Variants in IRF6 observed in about 807,000 individuals in gnomAD.
IRF6 encodes interferon regulatory factor 6, also known as Van der Woude syndrome.
In IRF6, 6 loss-of-function variants were observed where a neutral mutation model predicts 51.4. The ratio of observed to expected loss-of-function variants is 0.12; its 90% confidence interval spans 0.06 to 0.23. The LOEUF is 0.23. Among genes scored for constraint, IRF6 ranks in the 10% least tolerant of loss-of-function variants. The pLI is 1.00. For synonymous variants in IRF6, 178 were observed against 215.7 expected, an observed-to-expected ratio of 0.83 and a Z score of 1.53; for missense variants, 348 against 585.2, an observed-to-expected ratio of 0.59 and a Z score of 4.18.
intron 6 of IRF6, among the ~76,000 whole-genome samples, chr1:209,791,709 A>C (rs2077870034): frequency 1.3e-5 from 2 of 152,176 alleles, no homozygotes; most frequent in Non-Finnish European, 2.9e-5. Context: ...CTACCCACCT[A>C]AGACCTGAAT....
At chr1:209,788,750 C>T in intron 8 of IRF6, 106 bp from the exon 9 acceptor site, 1 of 826,238 alleles carries the variant, frequency 1.2e-6, no homozygotes, top group Non-Finnish European at 2.0e-6. Flanking sequence ...CTGAGGAAGA[C>T]CCCATTCTGA....
At position 209,792,257 on chromosome 1, in the gene IRF6, A is replaced by C; in HGVS notation, c.667+12T>G. ...GCAGAAGACCGAGCAAGAAAGATAA[A>C]GTCTCACTTACTTGGGAGAGAGCTG... On this transcript the variant is annotated intron_variant, in intron 6 of 8. Transcript: ENST00000367021. The C allele has an allele frequency of 1.9e-6, 3 of 1,612,454 alleles. No homozygotes were observed. In the East Asian group the frequency reaches 6.7e-5, roughly 36 times the overall value.
chr1:209,789,387 G>C (rs971051666), intron 8 of IRF6, among the ~76,000 whole-genome samples: 2 of 151,350 alleles, frequency 1.3e-5, no homozygotes, highest in Non-Finnish European at 2.9e-5. Flanking sequence ...ATTTGTGTGT[G>C]AAGAAAACCT....
chr1:209,805,000 TAG>T (rs2077965201), intron 1 of IRF6, among the ~76,000 whole-genome samples: 2 of 152,144 alleles, frequency 1.3e-5, no homozygotes, highest in Admixed American at 1.3e-4. Context: ...TGCAGGCCTC[TAG>T]TCAAAATGCC....
rs974325123 is a variant in IRF6 at position 209,801,235 on chromosome 1, T to C, written c.174+5A>G. ...AAAGGTCTGATGGTAGAAGAAGTCC[T>C]TTACCTTAAAAATGGTATTTTCCTC... On this transcript the variant is annotated splice_donor_5th_base_variant and intron_variant, in intron 3 of 8. Coordinates refer to ENST00000367021, the MANE Select transcript of IRF6 (RefSeq NM_006147.4). 13 of 1,604,462 alleles carry C rather than the reference T, an allele frequency of 8.1e-6. No homozygotes were observed. The highest frequency in any genetic ancestry group is 1.1e-5 in the Non-Finnish European group (13 of 1,172,346).
chr1:209,787,427 A>G lies in IRF6; in HGVS notation c.*993T>C, dbSNP rs2077841503. 6.6e-6 allele frequency: 1 copy of G among 152,354 alleles called. No individual in the cohort carries two copies. Among genetic ancestry groups the G allele is most frequent in the South Asian group, 2.1e-4 (1 of 4,830 alleles). The allele number at this position is 152,354 out of a possible 1,614,324, so 9.4% of individuals were successfully genotyped here. A position where few individuals can be genotyped will look rare whatever the true frequency, so the allele number is the denominator to read the frequency against. ...CCCAGCCCTTCTTCATCCCAGCCTTAACACACTCAACAACCCATTTCTTCC... is the reference window on the plus strand; with the variant it reads ...CCCAGCCCTTCTTCATCCCAGCCTTGACACACTCAACAACCCATTTCTTCC... On this transcript the variant is annotated 3_prime_UTR_variant, in exon 9 of 9. Transcript: ENST00000367021.
intron 5 of IRF6, 55 bp downstream of exon 5, chr1:209,795,235 T>G (rs1264897721): frequency 6.2e-7 from 1 of 1,603,382 alleles, no homozygotes; most frequent in Non-Finnish European, 8.5e-7. Context: ...AGTCCCAAGG[T>G]CAAAACTCCT....
chr1:209,803,229 G>A (rs1008630666), intron 1 of IRF6, among the ~76,000 whole-genome samples: 1 of 152,142 alleles, frequency 6.6e-6, no homozygotes, highest in Admixed American at 6.5e-5. Flanking sequence ...TACTGAAAGG[G>A]GGATGGAGCA....
At position 209,790,839 on chromosome 1, in the gene IRF6, T is replaced by C. The variant is rs1019238353; in HGVS notation, c.716A>G (p.Gln239Arg). ...CTGAGGGTTGCTCACGGTCATGGTC[T>C]GCCCGTACTCCTTCCCACGGTACTG... ...KFQYRGKEYG[Q>R]TMTVSNPQGC... The change falls in exon 7 of 9, where the codon CAG (glutamine) becomes CGG (arginine). Residue 239 changes from glutamine (Q) to arginine (R), a missense_variant. Coordinates refer to ENST00000367021, the MANE Select transcript of IRF6 (RefSeq NM_006147.4). The surrounding 1 kb of genome is among the most constrained non-coding windows in gnomAD (Gnocchi z 4.8). The C allele has an allele frequency of 1.2e-6, 2 of 1,613,610 alleles. No homozygotes were observed. The highest frequency in any genetic ancestry group is 1.7e-6 in the Non-Finnish European group (2 of 1,180,044).
Position 209,792,213 on chromosome 1 carries a change from G to C in IRF6, c.667+56C>G, listed in dbSNP as rs1034122520. 4 of 1,551,316 alleles carry C rather than the reference G, an allele frequency of 2.6e-6. No individual in the cohort carries two copies. In the African/African-American group the frequency reaches 5.4e-5, roughly 21 times the overall value. ...GAAATGAAGTTAGAAAGCAGGACAGGAAAGAGTCTATAATAGAAGCAGAAG... is the reference window on the plus strand; with the variant it reads ...GAAATGAAGTTAGAAAGCAGGACAGCAAAGAGTCTATAATAGAAGCAGAAG... On this transcript the variant is annotated intron_variant, in intron 6 of 8. Transcript: ENST00000367021.
intron 3 of IRF6, among the ~76,000 whole-genome samples, chr1:209,800,665 G>A (rs2077935196): frequency 6.6e-6 from 1 of 152,054 alleles, no homozygotes; most frequent in South Asian, 2.1e-4. Context: ...AGGTTGAGGC[G>A]GGAGGATCGC....
rs187486603 is a variant in IRF6 at position 209,803,184 on chromosome 1, G to A, written c.-75-1141C>T. 5.9e-5 allele frequency among the ~76,000 whole-genome samples: 9 copies of A among 152,268 alleles called. No homozygotes were observed. The South Asian group carries it at 6.2e-4, about 11-fold the overall frequency. On this transcript the variant is annotated intron_variant, in intron 1 of 8. Coordinates refer to ENST00000367021, the MANE Select transcript of IRF6 (RefSeq NM_006147.4). ...AGGAGGGGATGCATATTCTCTCAAC[G>A]GCTAGTTCTACCTTCTGCTCCCCAG...
At chr1:209,788,992 AT>A (rs2077851494) in intron 8 of IRF6, among the ~76,000 whole-genome samples, 1 of 152,240 alleles carries the variant, frequency 6.6e-6, no homozygotes, top group Admixed American at 6.5e-5. Flanking sequence ...CCTAGAATAA[AT>A]TTATATTCCT....
chr1:209,798,295 G>C (rs2236908), intron 3 of IRF6, among the ~76,000 whole-genome samples: 55,501 of 152,058 alleles, frequency 0.36, 10,510 homozygotes, highest in East Asian at 0.56. Context: ...CTGGTATCTG[G>C]AAGGCCTATC....
intron 4 of IRF6, among the ~76,000 whole-genome samples, chr1:209,795,980 T>C (rs2077898899): frequency 6.6e-6 from 1 of 152,146 alleles, no homozygotes; most frequent in Admixed American, 6.5e-5. Flanking sequence ...AATGACTTGA[T>C]TCAAGTCCCA....
At position 209,796,564 on chromosome 1, in the gene IRF6, A is replaced by G. The variant is rs904654312; in HGVS notation, c.175-12T>C. The G allele has an allele frequency of 6.2e-7, 1 of 1,610,124 alleles. No individual in the cohort carries two copies. Among genetic ancestry groups the G allele is most frequent in the Non-Finnish European group, 8.5e-7 (1 of 1,178,214 alleles). ...TCTACAGCCCAGGCCTGAGAACAAGAAACCACAGTGAGTCCTATCATTGCC... is the reference window on the plus strand; with the variant it reads ...TCTACAGCCCAGGCCTGAGAACAAGGAACCACAGTGAGTCCTATCATTGCC... On this transcript the variant is annotated splice_polypyrimidine_tract_variant and intron_variant, in intron 3 of 8. Transcript: ENST00000367021. This position sits in a 1 kb window ranked among gnomAD's most constrained non-coding sequence, Gnocchi z 4.5.
chr1:209,792,787 G>T, intron 5 of IRF6: 1 of 312,894 alleles, frequency 3.2e-6, no homozygotes, highest in Non-Finnish European at 6.1e-6. Flanking sequence ...TCCATAAAAC[G>T]AACTCAGCTA....
intron 5 of IRF6, among the ~76,000 whole-genome samples, chr1:209,794,898 A>G (rs1190454140): frequency 6.6e-6 from 1 of 152,242 alleles, no homozygotes; most frequent in Admixed American, 6.5e-5. Flanking sequence ...GAAGGAAGTG[A>G]CACAGAATTT....
rs141555342 is a variant in IRF6 at position 209,788,636 on chromosome 1, T to G, written c.1188A>C (p.Pro396=). ...ERKLILVQVI[P]VVARMIYEMF... The stretch of plus-strand genomic sequence containing the variant: ...TCTCGTAGATCATCCGAGCCACTAC[T>G]GGAATGACCTGTTCAGGACACAGAA... The change falls in exon 9 of 9, where the codon CCA becomes CCC. Residue 396 remains proline, a synonymous_variant. Transcript: ENST00000367021. 2 of 1,613,756 alleles carry G rather than the reference T, an allele frequency of 1.2e-6. No individual in the cohort carries two copies. Among genetic ancestry groups the G allele is most frequent in the Non-Finnish European group, 1.7e-6 (2 of 1,179,624 alleles).
Sources: allele counts gnomAD v4.1 joint callset (sites outside exome capture counted in the v4.1 genomes callset), GRCh38; gene constraint gnomAD v4.1.1; non-coding constraint Gnocchi (gnomAD v3.1); transcripts MANE v1.5; gene names NCBI Gene and HGNC (gene_info 2026-07-23, HGNC 2026-07-21).